Variants in PCDHA10 observed in about 807,000 individuals in gnomAD.
The protein encoded by PCDHA10 is protocadherin alpha 10, also known as protocadherin alpha-10.
Under a neutral mutation model 61.2 loss-of-function variants are expected in PCDHA10, and 45 were observed. The ratio of observed to expected loss-of-function variants is 0.74; its 90% CI spans 0.58 to 0.94. The LOEUF (loss-of-function observed/expected upper bound fraction) is 0.94. Among genes scored for constraint, PCDHA10 ranks in the 40% least tolerant of loss-of-function variants. PCDHA10 has a pLI of 0.00. For missense variants in PCDHA10, 1,278 were observed against 1,236.2 expected (o/e 1.03, Z -0.51); for synonymous variants, 602 against 548.8 (o/e 1.10, Z -1.35).
intron 1 of PCDHA10, chr5:140,930,248 C>T (rs2086692121): frequency 1.3e-5 from 2 of 152,178 alleles, no homozygotes; most frequent in South Asian, 4.1e-4. Flanking sequence ...GTCCATTCAA[C>T]TTGGATTTAA....
chr5:140,967,293 A>T, intron 1 of PCDHA10: 1 of 1,612,824 alleles, frequency 6.2e-7, no homozygotes. Flanking sequence ...CAGGACCCCG[A>T]CGTGGGCGCC....
intron 1 of PCDHA10, chr5:140,877,758 G>T (rs782480713): frequency 6.2e-7 from 1 of 1,614,190 alleles, no homozygotes; most frequent in East Asian, 2.2e-5. Flanking sequence ...GCTCTGCAGA[G>T]AGCCCGCCCA....
At chr5:140,861,018 C>A (rs1263823889) in intron 1 of PCDHA10, 4 of 152,248 alleles carry the variant, frequency 2.6e-5, no homozygotes, top group Non-Finnish European at 4.4e-5. Flanking sequence ...CGAGTGCCAC[C>A]GCACCCGGCC....
intron 3 of PCDHA10, among the ~76,000 whole-genome samples, chr5:140,992,501 A>G (rs1437736734): frequency 6.6e-6 from 1 of 152,206 alleles, no homozygotes. Context: ...TAAGGATTCA[A>G]TCCTGGGGCA....
chr5:140,869,396 A>C (rs782754440), intron 1 of PCDHA10: 18 of 1,614,242 alleles, frequency 1.1e-5, no homozygotes, highest in East Asian at 2.2e-5. Flanking sequence ...CTGTGCGGGC[A>C]GAGCGCGGAG....
chr5:140,923,974 C>G (rs2081604148), intron 1 of PCDHA10, among the ~76,000 whole-genome samples: 1 of 152,212 alleles, frequency 6.6e-6, no homozygotes, highest in South Asian at 2.1e-4. Context: ...CCCACACATA[C>G]TATCCCTCTA....
intron 1 of PCDHA10, among the ~76,000 whole-genome samples, chr5:140,933,412 A>G (rs1466318521): frequency 2.6e-5 from 4 of 152,066 alleles, no homozygotes; most frequent in Non-Finnish European, 5.9e-5. Flanking sequence ...ATCTACAGAT[A>G]TTCTGTGTTC....
At chr5:140,915,232 C>T (rs1554196813) in intron 1 of PCDHA10, among the ~76,000 whole-genome samples, 1 of 152,156 alleles carries the variant, frequency 6.6e-6, no homozygotes, top group Non-Finnish European at 1.5e-5. Flanking sequence ...CAGGCATGAG[C>T]CACCATGCCT....
intron 1 of PCDHA10, chr5:140,882,754 T>C: frequency 1.2e-6 from 2 of 1,614,228 alleles, no homozygotes; most frequent in South Asian, 1.1e-5. Flanking sequence ...ATGCAGATAT[T>C]GGAGTAAACT....
At chr5:140,967,909 C>A in intron 1 of PCDHA10, 1 of 1,614,206 alleles carries the variant, frequency 6.2e-7, no homozygotes, top group Non-Finnish European at 8.5e-7. Flanking sequence ...CTACACCCAA[C>A]ACCATTGTGG....
intron 1 of PCDHA10, chr5:140,870,953 C>A: frequency 1.2e-6 from 2 of 1,613,668 alleles, no homozygotes; most frequent in Non-Finnish European, 1.7e-6. Flanking sequence ...GCGGGCGGCT[C>A]GCGCATCCCG....
chr5:140,904,397 T>G (rs2071090298), intron 1 of PCDHA10, among the ~76,000 whole-genome samples: 1 of 151,416 alleles, frequency 6.6e-6, no homozygotes, highest in East Asian at 1.9e-4. Flanking sequence ...TATTCCATGG[T>G]GTATTATATA....
At chr5:140,869,752 G>A (rs1398153775) in intron 1 of PCDHA10, 17 of 1,613,136 alleles carry the variant, frequency 1.1e-5, no homozygotes, top group African/African-American at 1.3e-5. Context: ...AGCTACAGAC[G>A]GGGGAAAACC....
intron 1 of PCDHA10, among the ~76,000 whole-genome samples, chr5:140,937,911 CA>C (rs200797202): frequency 0.5 from 59,181 of 117,836 alleles, 12,230 homozygotes; most frequent in African/African-American, 0.63. Flanking sequence ...GACTCCGTCT[CA>C]AAAAAAAAAA....
rs560404461 is a variant in PCDHA10, at chr5:140,857,491, G to T, written c.1443G>T (p.Ala481=). The T allele has an allele frequency of 3.1e-5, 49 of 1,598,340 alleles. 2 individuals are homozygous for T. The highest frequency in any genetic ancestry group is 2.8e-4 in the South Asian group (25 of 90,546). The change falls in exon 1 of 4, where the codon GCG becomes GCT. Residue 481 remains alanine, a synonymous_variant. Transcript: ENST00000307360. Reference sequence around the variant, plus strand: ...TCTTCACGGTGTCTGCGTGGGACGCGGACGCGCAGGAGAACGCCCTGGTGT... The same window carrying T: ...TCTTCACGGTGTCTGCGTGGGACGCTGACGCGCAGGAGAACGCCCTGGTGT... ...CHIFTVSAWD[A]DAQENALVSY...
At position 140,858,002 on chromosome 5, in the gene PCDHA10, G is replaced by A. The variant is rs782820218; in HGVS notation, c.1954G>A (p.Asp652Asn). The change falls in exon 1 of 4, where the codon GAC becomes AAC. Residue 652 changes from aspartate to asparagine, a missense_variant. By Grantham distance (23) the Asp-to-Asn change is conservative. Transcript: ENST00000307360. ...PRQRLLVLVKDHGEPSLTATA... is the reference protein window; with the variant it reads ...PRQRLLVLVKNHGEPSLTATA... The stretch of plus-strand genomic sequence containing the variant: ...CCAGCGCCTACTGGTGCTGGTGAAG[G>A]ACCATGGCGAGCCGTCGCTGACGGC... 1.9e-6 allele frequency: 3 copies of A among 1,596,800 alleles called. No homozygotes were observed. The Admixed American group carries it at 5.1e-5, about 27-fold the overall frequency.
chr5:140,884,634 G>T (rs1263952131), intron 1 of PCDHA10: 2 of 1,612,298 alleles, frequency 1.2e-6, no homozygotes, highest in Middle Eastern at 1.6e-4. Context: ...ACAGGCCAGA[G>T]GGAGGAGGAC....
In PCDHA10 at chr5:141,000,418, TATA is replaced by T. The variant is rs1442097844; in HGVS notation, c.2537-9208_2537-9206del. 6.0e-3 allele frequency among the ~76,000 whole-genome samples: 500 copies of T among 83,616 alleles called. 3 individuals are homozygous for T. The highest frequency in any genetic ancestry group is 7.2e-3 in the African/African-American group (142 of 19,618). 54.9% of individuals were successfully genotyped at this position (83,616 alleles called of 152,430 possible). A position where few individuals can be genotyped will look rare whatever the true frequency, so the allele number is the denominator to read the frequency against. ...CTCTATATATATATATATATATATA[TATA>T]TTTTTTTTTTTTTTTTTTTTTTTGA... On this transcript the variant is annotated intron_variant, in intron 3 of 3. Coordinates refer to ENST00000307360, the MANE Select transcript of PCDHA10 (RefSeq NM_018901.4).
chr5:140,887,853 C>G (rs145942561), intron 1 of PCDHA10, among the ~76,000 whole-genome samples: 1 of 152,170 alleles, frequency 6.6e-6, no homozygotes, highest in African/African-American at 2.4e-5. Flanking sequence ...GACATATTTT[C>G]CAAGTTCACT....
Sources: allele counts gnomAD v4.1 joint callset (sites outside exome capture counted in the v4.1 genomes callset), GRCh38; gene constraint gnomAD v4.1.1; transcripts MANE v1.5; gene names NCBI Gene and HGNC (gene_info 2026-07-23, HGNC 2026-07-21).